NELL1: variants seen among roughly 807,000 people sequenced by gnomAD.
The protein encoded by NELL1 is neural EGFL like 1, also known as protein kinase C-binding protein NELL1.
NELL1 carries 76 observed loss-of-function variants against 107.4 expected under a neutral mutation model. That is an observed-to-expected ratio of 0.71 (90% CI 0.59 to 0.86). The LOEUF is 0.86. NELL1 is among the 40% of genes least tolerant of loss of function. The pLI is 0.00. For missense variants in NELL1, 1,024 were observed against 1,005.5 expected (o/e 1.02, Z -0.25); for synonymous variants, 353 against 341.2 (o/e 1.03, Z -0.38).
intron 14 of NELL1, among the ~76,000 whole-genome samples, chr11:21,282,322 C>G (rs767872860): frequency 6.6e-6 from 1 of 151,886 alleles, no homozygotes; most frequent in Non-Finnish European, 1.5e-5. Context: ...GTTAAAATGA[C>G]TTATATACCA....
intron 14 of NELL1, among the ~76,000 whole-genome samples, chr11:21,236,337 T>C (rs1000265021): frequency 2.0e-5 from 3 of 152,194 alleles, no homozygotes; most frequent in Admixed American, 6.5e-5. Context: ...AATACATAGA[T>C]GCAAAATGAG....
chr11:20,842,886 T>C (rs540049719), intron 3 of NELL1, among the ~76,000 whole-genome samples: 80 of 152,284 alleles, frequency 5.3e-4, no homozygotes, highest in Non-Finnish European at 9.6e-4. Context: ...TAAAGGCAGT[T>C]CTCCTAGTAA....
intron 12 of NELL1, among the ~76,000 whole-genome samples, chr11:21,036,478 A>G (rs1219386700): frequency 2.6e-5 from 4 of 152,160 alleles, no homozygotes; most frequent in African/African-American, 4.8e-5. Context: ...ACTGCAAACT[A>G]TATTACAGGG....
intron 2 of NELL1, among the ~76,000 whole-genome samples, chr11:20,755,885 T>G (rs796144937): frequency 7.4e-4 from 83 of 112,202 alleles, no homozygotes; most frequent in African/African-American, 2.4e-3. Flanking sequence ...TTTTTTTTTT[T>G]TTTTTTTTTT....
chr11:21,085,114 T>A (rs1854358972), intron 12 of NELL1, among the ~76,000 whole-genome samples: 1 of 152,198 alleles, frequency 6.6e-6, no homozygotes, highest in Non-Finnish European at 1.5e-5. Context: ...TTTCTGTGTT[T>A]ACATGTTTAG....
At chr11:20,801,765 A>G (rs1477949571) in intron 3 of NELL1, among the ~76,000 whole-genome samples, 1 of 152,200 alleles carries the variant, frequency 6.6e-6, no homozygotes, top group East Asian at 1.9e-4. Context: ...ATATGGCAAG[A>G]GATAGGGGTC....
rs982117247 is a variant in NELL1 at position 20,669,599 on chromosome 11, G to C, written c.-125G>C. 3 of 754,138 alleles carry C rather than the reference G, an allele frequency of 4.0e-6. No homozygotes were observed. The highest frequency in any genetic ancestry group is 3.6e-5 in the African/African-American group (2 of 55,722). 46.7% of individuals were successfully genotyped at this position (754,138 alleles called of 1,614,324 possible). On this transcript the variant is annotated 5_prime_UTR_variant, in exon 1 of 20. Transcript: ENST00000357134. The surrounding 1 kb of genome is among the most constrained non-coding windows in gnomAD (Gnocchi z 4.4). ...TGCGAGCGCAGCACCCGGCGCTGCC[G>C]AGCCACCTCCCCCGCCGCCCGCTAG... is the stretch of plus-strand genomic sequence containing the variant.
intron 3 of NELL1, among the ~76,000 whole-genome samples, chr11:20,835,964 A>G (rs1848527879): frequency 6.6e-6 from 1 of 152,160 alleles, no homozygotes; most frequent in South Asian, 2.1e-4. Context: ...CTGCTCTACC[A>G]GAAAGATTAT....
intron 2 of NELL1, among the ~76,000 whole-genome samples, chr11:20,707,471 C>T (rs564432664): frequency 6.6e-6 from 1 of 152,320 alleles, no homozygotes; most frequent in South Asian, 2.1e-4. Flanking sequence ...TTCAGCTTTC[C>T]TTCTCTGGTT....
chr11:20,963,103 T>C (rs981326857), intron 12 of NELL1, among the ~76,000 whole-genome samples: 2 of 152,122 alleles, frequency 1.3e-5, no homozygotes, highest in Non-Finnish European at 2.9e-5. Context: ...GTTTCCGTGA[T>C]TGCATGATGA....
At chr11:21,565,038 T>A (rs1430654684) in intron 17 of NELL1, among the ~76,000 whole-genome samples, 2 of 151,912 alleles carry the variant, frequency 1.3e-5, no homozygotes, top group Non-Finnish European at 2.9e-5. Flanking sequence ...CAGGGAACAG[T>A]CTGGTCTGTG....
intron 15 of NELL1, among the ~76,000 whole-genome samples, chr11:21,504,861 A>G (rs989135993): frequency 1.3e-5 from 2 of 152,046 alleles, no homozygotes; most frequent in African/African-American, 4.8e-5. Flanking sequence ...CCTGCACTCT[A>G]TGGATATCAC....
At chr11:20,923,786 T>G (rs1013939402) in intron 7 of NELL1, among the ~76,000 whole-genome samples, 5 of 152,244 alleles carry the variant, frequency 3.3e-5, no homozygotes, top group African/African-American at 1.2e-4. Flanking sequence ...ATTTTGAGAC[T>G]TTCATTGTTT....
At chr11:21,112,215 A>G (rs918800916) in intron 12 of NELL1, among the ~76,000 whole-genome samples, 1 of 151,996 alleles carries the variant, frequency 6.6e-6, no homozygotes, top group South Asian at 2.1e-4. Context: ...TCCTTCTTAG[A>G]TCTCAATGAC....
At chr11:20,786,812 T>C (rs538868493) in intron 3 of NELL1, among the ~76,000 whole-genome samples, 18 of 151,584 alleles carry the variant, frequency 1.2e-4, no homozygotes, top group Non-Finnish European at 2.5e-4. Context: ...ATCGAGACCA[T>C]CCTGGCTAAC....
chr11:21,227,028 G>C lies in NELL1; in HGVS notation c.1427-2304G>C, dbSNP rs1293305512. Among the ~76,000 whole-genome samples the C allele has an allele frequency of 2.6e-5, 4 of 152,190 alleles. No homozygotes were observed. The East Asian group carries it at 7.7e-4, about 29-fold the overall frequency. On this transcript the variant is annotated intron_variant, in intron 13 of 19. Transcript: ENST00000357134. ...CAAGAATATTGGAAGATAAGACCTG[G>C]TAGGGAAGGATAGACCAGGCTTTTG...
intron 2 of NELL1, among the ~76,000 whole-genome samples, chr11:20,750,144 G>A (rs1167805574): frequency 6.6e-6 from 1 of 152,090 alleles, no homozygotes; most frequent in Non-Finnish European, 1.5e-5. Context: ...CGTATATTTA[G>A]TATTATCTCT....
chr11:20,710,359 C>T (rs554441533), intron 2 of NELL1, among the ~76,000 whole-genome samples: 33 of 152,194 alleles, frequency 2.2e-4, no homozygotes, highest in African/African-American at 7.5e-4. Flanking sequence ...TGTTGACTTG[C>T]GTATGTTAAA....
chr11:20,920,699 GTTC>G (rs751946508), intron 7 of NELL1, among the ~76,000 whole-genome samples: 81 of 152,052 alleles, frequency 5.3e-4, no homozygotes, highest in Non-Finnish European at 8.2e-4. Context: ...GGTGATTGTG[GTTC>G]TTCATTCTCC....
Sources: allele counts gnomAD v4.1 joint callset (sites outside exome capture counted in the v4.1 genomes callset), GRCh38; gene constraint gnomAD v4.1.1; non-coding constraint Gnocchi (gnomAD v3.1); transcripts MANE v1.5; gene names NCBI Gene and HGNC (gene_info 2026-07-23, HGNC 2026-07-21).